The following HCN1 variants were observed in gnomAD, a reference collection of about 807,000 sequenced individuals.
The protein encoded by HCN1 is potassium/sodium hyperpolarization-activated cyclic nucleotide-gated channel 1.
In HCN1, 13 loss-of-function variants were observed where a neutral mutation model predicts 78.9. That is an observed-to-expected ratio of 0.16 (90% CI 0.11 to 0.26). The LOEUF (loss-of-function observed/expected upper bound fraction) is 0.26. Among genes scored for constraint, HCN1 ranks in the 10% least tolerant of loss-of-function variants. HCN1 has a pLI of 1.00. For missense variants in HCN1, 810 were observed against 1,154.3 expected (o/e 0.70, Z 4.32); for synonymous variants, 552 against 455.5 (o/e 1.21, Z -2.70).
At chr5:45,658,423 A>G (rs987535465) in intron 1 of HCN1, among the ~76,000 whole-genome samples, 1 of 152,182 alleles carries the variant, frequency 6.6e-6, no homozygotes, top group Admixed American at 6.5e-5. Context: ...CTGCATAGCA[A>G]AAGAAACTAC....
At chr5:45,494,208 G>GTCCCACCAA (rs1458405929) in intron 2 of HCN1, among the ~76,000 whole-genome samples, 40 of 152,108 alleles carry the variant, frequency 2.6e-4, no homozygotes, top group African/African-American at 9.4e-4. Flanking sequence ...CTAGTTTACA[G>GTCCCACCAA]TCCCACCAAC....
chr5:45,663,365 C>T (rs369202382), intron 1 of HCN1, among the ~76,000 whole-genome samples: 9,956 of 139,816 alleles, frequency 0.071, 475 homozygotes, highest in Middle Eastern at 0.15. Context: ...TAGAAGAAAA[C>T]CTAGACATTA....
intron 2 of HCN1, among the ~76,000 whole-genome samples, chr5:45,563,456 A>C (rs946389076): frequency 3.3e-5 from 5 of 152,006 alleles, no homozygotes; most frequent in African/African-American, 1.2e-4. Flanking sequence ...CATCTCAAAA[A>C]AATAAATAAA....
chr5:45,336,217 T>A (rs894836385), intron 5 of HCN1, among the ~76,000 whole-genome samples: 1 of 151,974 alleles, frequency 6.6e-6, no homozygotes, highest in Non-Finnish European at 1.5e-5. Context: ...CTTTGCAGAC[T>A]CATACATTTG....
At chr5:45,556,928 C>G (rs969747373) in intron 2 of HCN1, among the ~76,000 whole-genome samples, 1 of 151,986 alleles carries the variant, frequency 6.6e-6, no homozygotes, top group Non-Finnish European at 1.5e-5. Flanking sequence ...AAATATCACA[C>G]GTTTAAAGCT....
intron 2 of HCN1, among the ~76,000 whole-genome samples, chr5:45,463,501 A>C (rs565189108): frequency 6.6e-6 from 1 of 152,164 alleles, no homozygotes; most frequent in Non-Finnish European, 1.5e-5. Context: ...ATATTCAGAC[A>C]GCTATACACA....
At chr5:45,459,787 C>T (rs887872520) in intron 3 of HCN1, among the ~76,000 whole-genome samples, 4 of 151,852 alleles carry the variant, frequency 2.6e-5, no homozygotes, top group African/African-American at 9.7e-5. Context: ...TGGTTGGTGC[C>T]AATGAATCAT....
At chr5:45,379,022 T>C (rs1030564462) in intron 4 of HCN1, among the ~76,000 whole-genome samples, 6 of 152,198 alleles carry the variant, frequency 3.9e-5, no homozygotes, top group East Asian at 1.9e-4. Context: ...AGTCTATCAT[T>C]GATGGACATT....
chr5:45,613,768 T>A (rs1212582040), intron 2 of HCN1, among the ~76,000 whole-genome samples: 2 of 152,190 alleles, frequency 1.3e-5, no homozygotes, highest in Non-Finnish European at 2.9e-5. Flanking sequence ...AATTCTTTAA[T>A]GTAATTTTAT....
chr5:45,447,109 A>C (rs1282618187), intron 3 of HCN1, among the ~76,000 whole-genome samples: 2 of 152,244 alleles, frequency 1.3e-5, no homozygotes, highest in African/African-American at 2.4e-5. Flanking sequence ...TAAAGAGTCA[A>C]GACCCATCAG....
rs1462487300 is a variant in HCN1 at position 45,661,275 on chromosome 5, T to C, written c.426-15667A>G. Among the ~76,000 whole-genome samples, 11 of 102,404 alleles carry C rather than the reference T, an allele frequency of 1.1e-4. 1 individual carries two copies. In the Admixed American group the frequency reaches 1.2e-3, roughly 11 times the overall value. The allele number at this position is 102,404 out of a possible 152,430, so 67.2% of individuals were successfully genotyped here. On this transcript the variant is annotated intron_variant, in intron 1 of 7. Transcript: ENST00000303230. ...AACCAACGAGAACAAAGACACCACA[T>C]ACCAGAATCTCTGGGACGCATTCAA... is the stretch of plus-strand genomic sequence containing the variant.
At chr5:45,409,953 T>C (rs573790181) in intron 3 of HCN1, among the ~76,000 whole-genome samples, 1 of 151,900 alleles carries the variant, frequency 6.6e-6, no homozygotes, top group Non-Finnish European at 1.5e-5. Flanking sequence ...TTGCCCAAGG[T>C]CTGATCTGGT....
At chr5:45,374,215 T>C (rs1375736747) in intron 4 of HCN1, among the ~76,000 whole-genome samples, 1 of 116,950 alleles carries the variant, frequency 8.6e-6, no homozygotes, top group African/African-American at 3.0e-5. Context: ...ACATATATAT[T>C]ATGTACATTA....
At chr5:45,497,054 T>C (rs937869475) in intron 2 of HCN1, among the ~76,000 whole-genome samples, 1 of 152,238 alleles carries the variant, frequency 6.6e-6, no homozygotes, top group African/African-American at 2.4e-5. Context: ...TTGATTGCAC[T>C]GTGGTCTGAG....
At chr5:45,693,465 G>A (rs1413969238) in intron 1 of HCN1, among the ~76,000 whole-genome samples, 2 of 152,086 alleles carry the variant, frequency 1.3e-5, no homozygotes, top group Non-Finnish European at 2.9e-5. Flanking sequence ...CAAGGGAAAA[G>A]TCAAATATTC....
chr5:45,593,697 C>CA (rs1182434635), intron 2 of HCN1, among the ~76,000 whole-genome samples: 1 of 150,882 alleles, frequency 6.6e-6, no homozygotes, highest in Non-Finnish European at 1.5e-5. Flanking sequence ...TATTTAAAGA[C>CA]AGAGTCTTGC....
intron 2 of HCN1, among the ~76,000 whole-genome samples, chr5:45,502,194 G>A (rs971982915): frequency 6.6e-6 from 1 of 151,918 alleles, no homozygotes; most frequent in Non-Finnish European, 1.5e-5. Flanking sequence ...GAAGCCGGGT[G>A]TCGTGGCTCA....
intron 2 of HCN1, among the ~76,000 whole-genome samples, chr5:45,548,416 A>T (rs981808964): frequency 6.6e-6 from 1 of 151,872 alleles, no homozygotes; most frequent in Non-Finnish European, 1.5e-5. Flanking sequence ...ATAAAGAGAA[A>T]AGTCAATGAA....
intron 3 of HCN1, among the ~76,000 whole-genome samples, chr5:45,420,463 G>C (rs920431297): frequency 2.6e-5 from 4 of 152,146 alleles, no homozygotes; most frequent in African/African-American, 9.7e-5. Context: ...GGGAATGTGT[G>C]CTTTTTCTGC....
Sources: gnomAD v4.1 joint callset for allele counts (sites outside exome capture counted in the v4.1 genomes callset) on GRCh38, gnomAD v4.1.1 for gene constraint, MANE v1.5 for transcripts, NCBI Gene and HGNC (gene_info 2026-07-23, HGNC 2026-07-21) for gene names.